The following RCAN1 variants were observed in gnomAD, a reference collection of about 807,000 sequenced individuals.
The protein encoded by RCAN1 is regulator of calcineurin 1, also known as calcipressin-1.
RCAN1 carries 11 observed loss-of-function variants against 22.9 expected under a neutral mutation model. That is an observed-to-expected ratio of 0.48 (90% CI 0.30 to 0.79). The LOEUF is 0.79. Among genes scored for constraint, RCAN1 ranks in the 30% least tolerant of loss-of-function variants. The probability of loss-of-function intolerance (pLI) is 0.06; values close to 1 mark genes in which losing one functional copy is unlikely to be tolerated. For synonymous variants in RCAN1, 136 were observed against 142.3 expected (o/e 0.96, Z 0.32); for missense variants, 291 against 337.8 (o/e 0.86, Z 1.09).
chr21:34,606,426 C>T (rs1988528733), intron 1 of RCAN1, among the ~76,000 whole-genome samples: 1 of 152,080 alleles, frequency 6.6e-6, no homozygotes, highest in Admixed American at 6.6e-5. Flanking sequence ...TGACACTGAC[C>T]CCGGCTAGGT....
intron 1 of RCAN1, among the ~76,000 whole-genome samples, chr21:34,562,068 C>A (rs913700364): frequency 1.3e-5 from 2 of 152,180 alleles, no homozygotes; most frequent in Non-Finnish European, 2.9e-5. Flanking sequence ...CCAGATCTGC[C>A]CCATACTTTC....
chr21:34,593,898 C>G (rs1166206684), intron 1 of RCAN1, among the ~76,000 whole-genome samples: 1 of 152,164 alleles, frequency 6.6e-6, no homozygotes, highest in African/African-American at 2.4e-5. Flanking sequence ...CTTAGAAATT[C>G]TATAATACGT....
intron 1 of RCAN1, among the ~76,000 whole-genome samples, chr21:34,542,870 C>A (rs1407602323): frequency 6.6e-6 from 1 of 152,188 alleles, no homozygotes; most frequent in Non-Finnish European, 1.5e-5. Context: ...CTTTTACTTG[C>A]ACATCTGTGA....
chr21:34,541,206 A>G (rs1985898283), intron 1 of RCAN1, among the ~76,000 whole-genome samples: 1 of 152,236 alleles, frequency 6.6e-6, no homozygotes, highest in South Asian at 2.1e-4. Flanking sequence ...GGAGCGTAGC[A>G]ATCAGAAAAG....
chr21:34,605,853 G>A (rs1454269539), intron 1 of RCAN1, among the ~76,000 whole-genome samples: 1 of 150,200 alleles, frequency 6.7e-6, no homozygotes, highest in Non-Finnish European at 1.5e-5. Flanking sequence ...CCGGGAAGCA[G>A]AGGTTGCAGT....
intron 1 of RCAN1, among the ~76,000 whole-genome samples, chr21:34,578,252 A>G (rs1295713119): frequency 1.3e-5 from 2 of 152,146 alleles, no homozygotes; most frequent in African/African-American, 4.8e-5. Flanking sequence ...ACCTGCAAAT[A>G]TATAGCTTGA....
intron 1 of RCAN1, among the ~76,000 whole-genome samples, chr21:34,578,330 A>G (rs1987482395): frequency 6.6e-6 from 1 of 152,216 alleles, no homozygotes; most frequent in Non-Finnish European, 1.5e-5. Flanking sequence ...GACAGGATCC[A>G]GAAAATAAAC....
chr21:34,562,929 G>A (rs1986847587), intron 1 of RCAN1, among the ~76,000 whole-genome samples: 2 of 152,124 alleles, frequency 1.3e-5, no homozygotes, highest in South Asian at 4.1e-4. Context: ...CCACCAGCAC[G>A]CCATCAGCTT....
chr21:34,549,797 C>T (rs1224519687), intron 1 of RCAN1, among the ~76,000 whole-genome samples: 1 of 152,120 alleles, frequency 6.6e-6, no homozygotes, highest in Non-Finnish European at 1.5e-5. Context: ...ATTCGTTTGT[C>T]CATCCATCAT....
At chr21:34,572,663 G>T (rs1248017615) in intron 1 of RCAN1, among the ~76,000 whole-genome samples, 6 of 152,116 alleles carry the variant, frequency 3.9e-5, no homozygotes, top group African/African-American at 1.4e-4. Context: ...GGGTGAATTT[G>T]GCTGTATTAG....
intron 1 of RCAN1, among the ~76,000 whole-genome samples, chr21:34,548,317 A>G (rs376963715): frequency 4.6e-5 from 7 of 151,868 alleles, no homozygotes; most frequent in East Asian, 3.9e-4. Context: ...TTTCAAAGTT[A>G]CATATGAAAT....
At chr21:34,558,835 G>A (rs991264541) in intron 1 of RCAN1, among the ~76,000 whole-genome samples, 1 of 152,040 alleles carries the variant, frequency 6.6e-6, no homozygotes, top group African/African-American at 2.4e-5. Context: ...AACGGTAAAG[G>A]CTCCCTGGGC....
chr21:34,536,972 C>T (rs1601150093), intron 1 of RCAN1, among the ~76,000 whole-genome samples: 1 of 152,310 alleles, frequency 6.6e-6, no homozygotes, highest in Non-Finnish European at 1.5e-5. Context: ...ACCCTGTTTC[C>T]ATGTCTGCAG....
At chr21:34,580,095 C>A (rs1987551384) in intron 1 of RCAN1, among the ~76,000 whole-genome samples, 1 of 152,160 alleles carries the variant, frequency 6.6e-6, no homozygotes, top group Admixed American at 6.5e-5. Context: ...ACAAATATTT[C>A]AATGGTTCAA....
chr21:34,537,842 GTGT>G (rs1568894236), intron 1 of RCAN1, among the ~76,000 whole-genome samples: 2 of 152,176 alleles, frequency 1.3e-5, no homozygotes, highest in African/African-American at 4.8e-5. Flanking sequence ...GTGTGTGTGT[GTGT>G]GTACTTATTT....
rs905370037 is a variant in RCAN1 at position 34,614,129 on chromosome 21, T to C, written c.252+631A>G. ...GAGTCGACTCCCCATGTACTGGGTG[T>C]CCCCGATGGCGGCAAGCCACACCTT... is the stretch of plus-strand genomic sequence containing the variant. On this transcript the variant is annotated intron_variant, in intron 1 of 3. Coordinates refer to ENST00000313806, the MANE Select transcript of RCAN1 (RefSeq NM_004414.7). The surrounding 1 kb of genome is among the most constrained non-coding windows in gnomAD (Gnocchi z 6.0). 3 of 677,702 alleles carry C rather than the reference T, an allele frequency of 4.4e-6. No homozygotes were observed. The highest frequency in any genetic ancestry group is 5.8e-6 in the Non-Finnish European group (3 of 518,670). 42.0% of individuals were successfully genotyped at this position (677,702 alleles called of 1,614,324 possible).
In RCAN1 at chr21:34,614,826, C is replaced by T. The variant is rs564276604; in HGVS notation, c.186G>A (p.Gln62=). The change falls in exon 1 of 4, where the codon CAG becomes CAA. Residue 62 remains glutamine (Q), a synonymous_variant. Transcript: ENST00000313806. This position sits in a 1 kb window ranked among gnomAD's most constrained non-coding sequence, Gnocchi z 6.0. ...AGGCGATGGTGGCGCTGGGCAGGTCCTGCAGGTCCACCTCCTCCATCTCGC... is the reference window on the plus strand; with the variant it reads ...AGGCGATGGTGGCGCTGGGCAGGTCTTGCAGGTCCACCTCCTCCATCTCGC... ...IDCEMEEVDL[Q]DLPSATIACH... The T allele has an allele frequency of 1.3e-6, 2 of 1,492,254 alleles. No individual in the cohort carries two copies. Among genetic ancestry groups the T allele is most frequent in the South Asian group, 2.5e-5 (2 of 81,158 alleles). 92.4% of individuals were successfully genotyped at this position (1,492,254 alleles called of 1,614,324 possible).
At chr21:34,550,875 C>T (rs1986339114) in intron 1 of RCAN1, among the ~76,000 whole-genome samples, 1 of 152,110 alleles carries the variant, frequency 6.6e-6, no homozygotes, top group African/African-American at 2.4e-5. Context: ...TAAGGCATGC[C>T]CCCACTACCT....
At chr21:34,581,943 C>T (rs563721429) in intron 1 of RCAN1, among the ~76,000 whole-genome samples, 6 of 152,286 alleles carry the variant, frequency 3.9e-5, no homozygotes, top group African/African-American at 1.4e-4. Flanking sequence ...AAAATGCCAA[C>T]AGGGCCGATC....
Sources: allele counts gnomAD v4.1 joint callset (sites outside exome capture counted in the v4.1 genomes callset), GRCh38; gene constraint gnomAD v4.1.1; non-coding constraint Gnocchi (gnomAD v3.1); transcripts MANE v1.5; gene names NCBI Gene and HGNC (gene_info 2026-07-23, HGNC 2026-07-21).